Variants in FAM13C observed in about 807,000 individuals in gnomAD.
The protein encoded by FAM13C is protein FAM13C.
A neutral mutation model predicts 73.2 loss-of-function variants in FAM13C; 37 were observed. The observed-to-expected ratio is 0.51, with a 90% CI of 0.39 to 0.67. The LOEUF (loss-of-function observed/expected upper bound fraction) is 0.67. Among genes scored for constraint, FAM13C ranks in the 30% least tolerant of loss-of-function variants. The pLI is 0.00. For synonymous variants in FAM13C, 246 were observed against 260.9 expected, an observed-to-expected ratio of 0.94 and a Z score of 0.55; for missense variants, 589 against 715.6, an observed-to-expected ratio of 0.82 and a Z score of 2.02.
chr10:59,322,449 G>A (rs570743744), intron 4 of FAM13C, among the ~76,000 whole-genome samples: 21 of 152,234 alleles, frequency 1.4e-4, no homozygotes, highest in African/African-American at 5.1e-4. Context: ...ATGGGGAGGC[G>A]AAAAAGACAA....
At chr10:59,261,285 G>C (rs1383730232) in intron 10 of FAM13C, among the ~76,000 whole-genome samples, 1 of 152,128 alleles carries the variant, frequency 6.6e-6, no homozygotes, top group East Asian at 1.9e-4. Context: ...TTGTTTTAAG[G>C]CTAAAGGTAT....
At chr10:59,281,554 T>G (rs1844921535) in intron 6 of FAM13C, among the ~76,000 whole-genome samples, 1 of 152,220 alleles carries the variant, frequency 6.6e-6, no homozygotes, top group South Asian at 2.1e-4. Context: ...AAATCCAGCA[T>G]GCAACCCACA....
intron 8 of FAM13C, among the ~76,000 whole-genome samples, chr10:59,265,416 T>G (rs867413153): frequency 6.8e-6 from 1 of 146,044 alleles, no homozygotes. Flanking sequence ...TAGTCCTATC[T>G]ATGGTTTGCT....
intron 6 of FAM13C, among the ~76,000 whole-genome samples, chr10:59,272,235 T>C (rs1938321985): frequency 6.6e-6 from 1 of 152,184 alleles, no homozygotes; most frequent in Non-Finnish European, 1.5e-5. Flanking sequence ...AATTCACTAT[T>C]GAAGGAAGCT....
intron 8 of FAM13C, among the ~76,000 whole-genome samples, chr10:59,267,906 C>CA (rs1177417584): frequency 6.6e-6 from 1 of 152,110 alleles, no homozygotes; most frequent in African/African-American, 2.4e-5. Context: ...ATAAAAGCAA[C>CA]ACTGACCATC....
intron 4 of FAM13C, among the ~76,000 whole-genome samples, chr10:59,307,458 C>A (rs1015379105): frequency 1.3e-5 from 2 of 152,176 alleles, no homozygotes; most frequent in African/African-American, 4.8e-5. Flanking sequence ...AGTTTACTTA[C>A]ATTATTTTAT....
chr10:59,336,194 C>T (rs941271460), intron 3 of FAM13C, among the ~76,000 whole-genome samples: 5 of 150,198 alleles, frequency 3.3e-5, no homozygotes, highest in African/African-American at 7.3e-5. Flanking sequence ...GACTCTTCTG[C>T]CACCCTAATG....
At chr10:59,251,764 C>G (rs919110625) in intron 12 of FAM13C, 88 bp from the exon 13 acceptor site, 4 of 1,000,246 alleles carry the variant, frequency 4.0e-6, no homozygotes, top group Middle Eastern at 2.3e-4. Context: ...GCCAAAAAAG[C>G]ATCTATGATT....
At chr10:59,349,928 T>G (rs1304495281) in intron 3 of FAM13C, among the ~76,000 whole-genome samples, 1 of 152,232 alleles carries the variant, frequency 6.6e-6, no homozygotes, top group East Asian at 1.9e-4. Context: ...GCTGCTAATA[T>G]AAACTGAAAT....
intron 5 of FAM13C, among the ~76,000 whole-genome samples, chr10:59,286,898 G>A (rs1810091297): frequency 1.3e-5 from 2 of 151,448 alleles, no homozygotes; most frequent in Admixed American, 6.6e-5. Context: ...ACCGGGTGTG[G>A]TGGCACGCAC....
At chr10:59,259,315 T>C (rs1056623894) in intron 10 of FAM13C, among the ~76,000 whole-genome samples, 1 of 152,194 alleles carries the variant, frequency 6.6e-6, no homozygotes, top group African/African-American at 2.4e-5. Flanking sequence ...CGTCATTCTT[T>C]ATCTTGAAAT....
chr10:59,254,455 G>C lies in FAM13C; in HGVS notation c.1237-12C>G. On this transcript the variant is annotated splice_polypyrimidine_tract_variant and intron_variant, in intron 10 of 13. Transcript: ENST00000618804. ...TCTTGCTTAGTTACCTGAAAAACAT[G>C]AAATTAATTATTATTCCTCTCTCAG... 1.4e-6 allele frequency: 2 copies of C among 1,424,010 alleles called. No homozygotes were observed. The highest frequency in any genetic ancestry group is 2.6e-5 in the East Asian group (1 of 38,996). 88.2% of individuals were successfully genotyped at this position (1,424,010 alleles called of 1,614,324 possible).
intron 3 of FAM13C, among the ~76,000 whole-genome samples, chr10:59,341,630 G>A (rs10826278): frequency 0.54 from 82,549 of 151,914 alleles, 23,557 homozygotes; most frequent in Middle Eastern, 0.63. Context: ...TGGAGGTTGC[G>A]GTGAGCTGAG....
rs1344200539 is a variant in FAM13C, at chr10:59,349,106, G to A, written c.324+3164C>T. Among the ~76,000 whole-genome samples the A allele has an allele frequency of 3.3e-5, 5 of 151,910 alleles. No homozygotes were observed. The East Asian group carries it at 5.8e-4, about 18-fold the overall frequency. ...ACGATTTTACTGTCTTTTTTTGCAT[G>A]TCACATTACGTGCTATGCTTATTAT... On this transcript the variant is annotated intron_variant, in intron 3 of 13. Transcript: ENST00000618804.
intron 4 of FAM13C, among the ~76,000 whole-genome samples, chr10:59,303,284 A>G (rs888733748): frequency 6.6e-6 from 1 of 152,142 alleles, no homozygotes; most frequent in African/African-American, 2.4e-5. Context: ...CTCCCTAACT[A>G]GACAAGACAT....
intron 1 of FAM13C, among the ~76,000 whole-genome samples, chr10:59,360,379 G>A (rs1856244396): frequency 6.6e-6 from 1 of 152,100 alleles, no homozygotes; most frequent in African/African-American, 2.4e-5. Context: ...GTAGGAATGG[G>A]GTGGGGACAG....
intron 5 of FAM13C, among the ~76,000 whole-genome samples, chr10:59,286,256 G>A (rs1313955389): frequency 6.6e-6 from 1 of 152,094 alleles, no homozygotes; most frequent in Non-Finnish European, 1.5e-5. Context: ...GCCTAAGCCT[G>A]TAAATCCCAG....
intron 5 of FAM13C, among the ~76,000 whole-genome samples, chr10:59,284,152 AGC>A (rs1845271266): frequency 2.6e-5 from 4 of 152,162 alleles, no homozygotes; most frequent in African/African-American, 9.6e-5. Flanking sequence ...CTGAGGAAGA[AGC>A]AATTTATCTT....
intron 3 of FAM13C, among the ~76,000 whole-genome samples, chr10:59,338,392 T>C (rs577486999): frequency 2.0e-5 from 3 of 152,138 alleles, no homozygotes; most frequent in Non-Finnish European, 2.9e-5. Flanking sequence ...CACCCTCCAA[T>C]GTCGGTTGTT....
Sources: allele counts gnomAD v4.1 joint callset (sites outside exome capture counted in the v4.1 genomes callset), GRCh38; gene constraint gnomAD v4.1.1; transcripts MANE v1.5; gene names NCBI Gene and HGNC (gene_info 2026-07-23, HGNC 2026-07-21).